SLC29A4: variants seen among roughly 807,000 people sequenced by gnomAD.
The protein encoded by SLC29A4 is solute carrier family 29 member 4.
Under a neutral mutation model 43.9 loss-of-function variants are expected in SLC29A4, and 36 were observed. That is an observed-to-expected ratio of 0.82 (90% CI 0.63 to 1.08). The LOEUF (loss-of-function observed/expected upper bound fraction) is 1.08. Ranked by LOEUF, SLC29A4 falls within the 50% of genes least tolerant of loss-of-function variation. The probability of loss-of-function intolerance (pLI) is 0.00; values close to 1 mark genes in which losing one functional copy is unlikely to be tolerated. For missense variants in SLC29A4, 869 were observed against 755.3 expected, an observed-to-expected ratio of 1.15 and a Z score of -1.77; for synonymous variants, 491 against 338.0, an observed-to-expected ratio of 1.45 and a Z score of -4.97.
chr7:5,284,049 C>G (rs1046518051), intron 1 of SLC29A4, among the ~76,000 whole-genome samples: 1 of 120,486 alleles, frequency 8.3e-6, no homozygotes, highest in Non-Finnish European at 1.8e-5. Flanking sequence ...CCCCCACCCC[C>G]GACTTGGCCT....
In SLC29A4 at chr7:5,296,827, A is replaced by G. The variant is rs1583668965; in HGVS notation, c.620-109A>G. The G allele has an allele frequency of 9.0e-6, 10 of 1,106,612 alleles. 1 individual carries two copies. Among genetic ancestry groups the G allele is most frequent in the Admixed American group, 5.6e-5 (1 of 17,820 alleles). The allele number at this position is 1,106,612 out of a possible 1,614,324, so 68.5% of individuals were successfully genotyped here. A position where few individuals can be genotyped will look rare whatever the true frequency, so the allele number is the denominator to read the frequency against. ...TGGGTGGGGGCAGGGCCTGTGGTGG[A>G]GGGCGGGGCCGGTGGGGAGGGGTCT... On this transcript the variant is annotated intron_variant, in intron 6 of 10. Transcript: ENST00000396872.
intron 5 of SLC29A4, among the ~76,000 whole-genome samples, chr7:5,292,182 C>T: frequency 6.6e-6 from 1 of 152,202 alleles, no homozygotes; most frequent in Non-Finnish European, 1.5e-5. Flanking sequence ...ATGATCATAG[C>T]TCACTGCAGC....
At position 5,294,856 on chromosome 7, in the gene SLC29A4, T is replaced by C. The variant is rs577979866; in HGVS notation, c.545-4T>C. On this transcript the variant is annotated splice_polypyrimidine_tract_variant and splice_region_variant and intron_variant, in intron 5 of 10. Transcript: ENST00000396872. ...CTGGGTTGTTCCTCTCTCTCTCTCT[T>C]AAGTGCAGCAATCCAGCTTCTACGG... The C allele has an allele frequency of 4.8e-5, 76 of 1,571,976 alleles. 1 individual carries two copies. In the African/African-American group the frequency reaches 6.0e-4, roughly 12 times the overall value.
intron 1 of SLC29A4, among the ~76,000 whole-genome samples, chr7:5,284,044 ACCC>A (rs1562437338): frequency 3.2e-4 from 9 of 27,816 alleles, no homozygotes; most frequent in Non-Finnish European, 6.3e-4. Flanking sequence ...CCCCCCCCCC[ACCC>A]CCGACTTGGC....
intron 5 of SLC29A4, among the ~76,000 whole-genome samples, chr7:5,294,632 T>G (rs975433210): frequency 6.6e-6 from 1 of 152,160 alleles, no homozygotes; most frequent in Non-Finnish European, 1.5e-5. Flanking sequence ...AGTAGTGACG[T>G]GTCATTTCTG....
intron 1 of SLC29A4, among the ~76,000 whole-genome samples, chr7:5,287,220 C>T (rs1025679631): frequency 6.6e-6 from 1 of 152,130 alleles, no homozygotes; most frequent in Non-Finnish European, 1.5e-5. Flanking sequence ...GGAGACCAGC[C>T]TGGGCAATGT....
rs1164913728 is a variant in SLC29A4, at chr7:5,302,815, C to T, written c.1469C>T (p.Ser490Phe). The T allele has an allele frequency of 3.2e-6, 5 of 1,564,646 alleles. No individual in the cohort carries two copies. The highest frequency in any genetic ancestry group is 4.3e-6 in the Non-Finnish European group (5 of 1,154,744). ...TCCACAGGGAACACCATGACCGTGT[C>T]CTACATGTCAGGGCTGACGCTGGGG... Reference protein sequence around the residue: ...RELAGNTMTVSYMSGLTLGSA... With the variant: ...RELAGNTMTVFYMSGLTLGSA... The change falls in exon 11 of 11, where the codon TCC (serine) becomes TTC (phenylalanine). Residue 490 changes from serine (S) to phenylalanine (F), a missense_variant. Physicochemically the swap from Ser to Phe is radical, Grantham distance 155 (BLOSUM62 -2). Transcript: ENST00000396872.
At position 5,302,266 on chromosome 7, in the gene SLC29A4, A is replaced by G. The variant is rs202166657; in HGVS notation, c.1451-531A>G. On this transcript the variant is annotated intron_variant, in intron 10 of 10. Transcript: ENST00000396872. Reference sequence around the variant, plus strand: ...ATACCTGGCTGAGACTGGAGATTAAAATGGGGAGGGTTAGGGCCAGGCTCA... The same window carrying G: ...ATACCTGGCTGAGACTGGAGATTAAGATGGGGAGGGTTAGGGCCAGGCTCA... Among the ~76,000 whole-genome samples, 709 of 152,228 alleles carry G rather than the reference A, an allele frequency of 4.7e-3. 4 individuals are homozygous for G. Among genetic ancestry groups the G allele is most frequent in the African/African-American group, 0.016 (670 of 41,542 alleles).
At chr7:5,283,784 C>A (rs996087714) in intron 1 of SLC29A4, among the ~76,000 whole-genome samples, 1 of 152,218 alleles carries the variant, frequency 6.6e-6, no homozygotes, top group African/African-American at 2.4e-5. Context: ...GTGTACCAGG[C>A]ATCAACTAAC....
At chr7:5,301,317 TATGGGGAA>T (rs1286914607) in intron 10 of SLC29A4, among the ~76,000 whole-genome samples, 1 of 149,962 alleles carries the variant, frequency 6.7e-6, no homozygotes, top group Non-Finnish European at 1.5e-5. Flanking sequence ...CAGTAAGTCC[TATGGGGAA>T]AAATAAAGCA....
chr7:5,285,740 A>C (rs1487803235), intron 1 of SLC29A4, among the ~76,000 whole-genome samples: 1 of 152,232 alleles, frequency 6.6e-6, no homozygotes, highest in Non-Finnish European at 1.5e-5. Flanking sequence ...GGCTGAGCGC[A>C]GTGGCTCATG....
chr7:5,290,257 G>A (rs755334775), intron 2 of SLC29A4, among the ~76,000 whole-genome samples: 2 of 152,128 alleles, frequency 1.3e-5, no homozygotes, highest in East Asian at 3.8e-4. Flanking sequence ...TAGAGATGGG[G>A]TTTCACCGTG....
At chr7:5,289,223 C>G (rs1270466633) in intron 2 of SLC29A4, among the ~76,000 whole-genome samples, 1 of 152,008 alleles carries the variant, frequency 6.6e-6, no homozygotes, top group Non-Finnish European at 1.5e-5. Flanking sequence ...CTGGCAAAAT[C>G]TCGTCTGTAC....
rs770833537 is a variant in SLC29A4, at chr7:5,299,236, C to A, written c.1022-4C>A. On this transcript the variant is annotated splice_polypyrimidine_tract_variant and splice_region_variant and intron_variant, in intron 8 of 10. Coordinates refer to ENST00000396872, the MANE Select transcript of SLC29A4 (RefSeq NM_153247.4). ...GCCTCTGACCCCCGCCCGCCACCCT[C>A]CAGCCCTGTTACTGCACCGCTACGT... 1 of 1,610,746 alleles carries A rather than the reference C, an allele frequency of 6.2e-7. No homozygotes were observed. The highest frequency in any genetic ancestry group is 8.5e-7 in the Non-Finnish European group (1 of 1,178,996).
At chr7:5,293,283 T>C (rs1239976396) in intron 5 of SLC29A4, among the ~76,000 whole-genome samples, 2 of 150,062 alleles carry the variant, frequency 1.3e-5, no homozygotes, top group Non-Finnish European at 3.0e-5. Flanking sequence ...GGGATTCTCC[T>C]GCCTCAGCCT....
Position 5,290,823 on chromosome 7 carries a change from C to T in SLC29A4, c.261C>T (p.Ser87=). Residue 87 remains serine, a synonymous_variant, in exon 3 of 11, where the codon AGC becomes AGT. Coordinates refer to ENST00000396872, the MANE Select transcript of SLC29A4 (RefSeq NM_153247.4). ...TGGGCTTCCTGCTGCCATACAACAG[C>T]TTCATCACGGACGTGGACTACCTGC... ...AGVGFLLPYN[S]FITDVDYLHH... is the part of the protein sequence containing the mutation. 6.2e-7 allele frequency: 1 copy of T among 1,613,960 alleles called. No homozygotes were observed. Among genetic ancestry groups the T allele is most frequent in the Non-Finnish European group, 8.5e-7 (1 of 1,179,966 alleles).
intron 7 of SLC29A4, 144 bp from the exon 8 acceptor site, chr7:5,298,844 A>C (rs3889348): frequency 7.5e-6 from 6 of 799,036 alleles, no homozygotes; most frequent in Non-Finnish European, 1.2e-5. Flanking sequence ...GATAAAGTGG[A>C]GGAGGGGTGT....
At position 5,299,131 on chromosome 7, in the gene SLC29A4, G is replaced by A; in HGVS notation, c.1021+5G>A. ...GCAGCTGGCCCACCTTCAGAGGTGA[G>A]TGCGGGGAGTCCTCTGCTGCCCTGG... is the stretch of plus-strand genomic sequence containing the variant. On this transcript the variant is annotated splice_donor_5th_base_variant and intron_variant, in intron 8 of 10. Transcript: ENST00000396872. 1 of 1,607,426 alleles carries A rather than the reference G, an allele frequency of 6.2e-7. No individual in the cohort carries two copies. Among genetic ancestry groups the A allele is most frequent in the Non-Finnish European group, 8.5e-7 (1 of 1,176,772 alleles).
chr7:5,284,375 G>A (rs1784837093), intron 1 of SLC29A4, among the ~76,000 whole-genome samples: 1 of 152,182 alleles, frequency 6.6e-6, no homozygotes, highest in African/African-American at 2.4e-5. Flanking sequence ...CCCTGTTTGT[G>A]ACGTACTCTC....
Sources: gnomAD v4.1 joint callset for allele counts (sites outside exome capture counted in the v4.1 genomes callset) on GRCh38, gnomAD v4.1.1 for gene constraint, MANE v1.5 for transcripts, NCBI Gene and HGNC (gene_info 2026-07-23, HGNC 2026-07-21) for gene names.